ADCK1: variants seen among roughly 807,000 people sequenced by gnomAD.
The protein encoded by ADCK1 is aarF domain containing kinase 1, also known as aarF domain-containing protein kinase 1.
A neutral mutation model predicts 52.3 loss-of-function variants in ADCK1; 41 were observed. The observed-to-expected ratio is 0.78, with a 90% CI of 0.61 to 1.02. The LOEUF is 1.02. ADCK1 is among the 50% of genes least tolerant of loss of function. The pLI is 0.00. For missense variants in ADCK1, 658 were observed against 679.5 expected, an observed-to-expected ratio of 0.97 and a Z score of 0.35; for synonymous variants, 250 against 274.6, an observed-to-expected ratio of 0.91 and a Z score of 0.89.
At chr14:77,875,464 C>T (rs559368603) in intron 4 of ADCK1, among the ~76,000 whole-genome samples, 1 of 150,024 alleles carries the variant, frequency 6.7e-6, no homozygotes, top group South Asian at 2.2e-4. Flanking sequence ...GGCTGAACAG[C>T]CTACGGTCCC....
At chr14:77,878,822 C>T (rs1388230901) in intron 4 of ADCK1, among the ~76,000 whole-genome samples, 1 of 152,160 alleles carries the variant, frequency 6.6e-6, no homozygotes, top group Admixed American at 6.5e-5. Flanking sequence ...TTTATGATAG[C>T]CAACGGTGGA....
At chr14:77,884,873 A>T (rs2140201484) in intron 4 of ADCK1, among the ~76,000 whole-genome samples, 1 of 152,382 alleles carries the variant, frequency 6.6e-6, no homozygotes, top group East Asian at 1.9e-4. Context: ...CTGATTGGCC[A>T]GGCCAGGGCC....
At position 77,922,970 on chromosome 14, in the gene ADCK1, C is replaced by T. The variant is rs17106613; in HGVS notation, c.859-1487C>T. On this transcript the variant is annotated intron_variant, in intron 7 of 10. Transcript: ENST00000238561. ...AGAGAGATGAGGGTCTCACGTTGAACGCAGAGTCGTAGTCACGTGTTTGCC... is the reference window on the plus strand; with the variant it reads ...AGAGAGATGAGGGTCTCACGTTGAATGCAGAGTCGTAGTCACGTGTTTGCC... Among the ~76,000 whole-genome samples the T allele has an allele frequency of 4.3e-3, 662 of 152,252 alleles. 14 individuals carry two copies. In the South Asian group the frequency reaches 0.058, roughly 13 times the overall value.
At chr14:77,821,398 G>C (rs1436669496) in intron 2 of ADCK1, among the ~76,000 whole-genome samples, 1 of 152,174 alleles carries the variant, frequency 6.6e-6, no homozygotes, top group Non-Finnish European at 1.5e-5. Context: ...ATAAAGCTTT[G>C]TAGAGTGCAA....
chr14:77,933,486 G>A lies in ADCK1; in HGVS notation c.*95G>A. On this transcript the variant is annotated 3_prime_UTR_variant, in exon 11 of 11. Coordinates refer to ENST00000238561, the MANE Select transcript of ADCK1 (RefSeq NM_020421.4). ...GCTGCTCCATTTTTGCCACATCGTG[G>A]CCCGCAGCCCCAGAGTCACTGTCCA... 1 of 1,471,154 alleles carries A rather than the reference G, an allele frequency of 6.8e-7. No homozygotes were observed. The highest frequency in any genetic ancestry group is 9.4e-7 in the Non-Finnish European group (1 of 1,063,358). The allele number at this position is 1,471,154 out of a possible 1,614,324, so 91.1% of individuals were successfully genotyped here. A position where few individuals can be genotyped will look rare whatever the true frequency, so the allele number is the denominator to read the frequency against.
intron 3 of ADCK1, among the ~76,000 whole-genome samples, chr14:77,856,247 A>G (rs191988927): frequency 3.9e-5 from 6 of 152,322 alleles, no homozygotes; most frequent in South Asian, 2.1e-4. Flanking sequence ...AAAAACTTAT[A>G]TAGAAGAAAA....
chr14:77,888,154 G>A (rs1002642294), intron 5 of ADCK1, among the ~76,000 whole-genome samples: 8 of 152,098 alleles, frequency 5.3e-5, no homozygotes, highest in Admixed American at 6.5e-5. Flanking sequence ...GATGGATGGG[G>A]CACCAAGGGG....
chr14:77,848,476 A>G (rs2082216395), intron 3 of ADCK1, among the ~76,000 whole-genome samples: 1 of 151,922 alleles, frequency 6.6e-6, no homozygotes, highest in Non-Finnish European at 1.5e-5. Flanking sequence ...TTATTTATTT[A>G]TTTACTTAAG....
intron 5 of ADCK1, among the ~76,000 whole-genome samples, chr14:77,897,839 C>T (rs1265177275): frequency 1.3e-5 from 2 of 152,126 alleles, no homozygotes; most frequent in African/African-American, 4.8e-5. Context: ...CAGAACAGAT[C>T]GGGGAGCAGC....
intron 1 of ADCK1, among the ~76,000 whole-genome samples, chr14:77,803,607 T>G (rs1171374503): frequency 1.3e-5 from 2 of 152,204 alleles, no homozygotes. Context: ...TGTCATTGAT[T>G]TGACAATAAA....
chr14:77,879,303 G>A (rs113230162), intron 4 of ADCK1, among the ~76,000 whole-genome samples: 10 of 152,346 alleles, frequency 6.6e-5, no homozygotes, highest in African/African-American at 2.2e-4. Context: ...AAGAGAAGGG[G>A]GAGATTAAGC....
intron 4 of ADCK1, among the ~76,000 whole-genome samples, chr14:77,880,136 A>G (rs2082990202): frequency 1.3e-5 from 2 of 152,174 alleles, no homozygotes; most frequent in African/African-American, 4.8e-5. Context: ...ATCCTGGAGT[A>G]TGGGTGCCCC....
chr14:77,837,570 A>G lies in ADCK1; in HGVS notation c.219+15052A>G, dbSNP rs372365919. 4.6e-5 allele frequency among the ~76,000 whole-genome samples: 7 copies of G among 152,208 alleles called. No individual in the cohort carries two copies. The East Asian group carries it at 1.2e-3, about 25-fold the overall frequency. On this transcript the variant is annotated intron_variant, in intron 3 of 10. Coordinates refer to ENST00000238561, the MANE Select transcript of ADCK1 (RefSeq NM_020421.4). ...ATTCAACCCACTACAGGAACTTAGAATTAATGCCAAATGGTGCAGCTCCTC... is the reference window on the plus strand; with the variant it reads ...ATTCAACCCACTACAGGAACTTAGAGTTAATGCCAAATGGTGCAGCTCCTC...
chr14:77,909,196 C>T (rs55921647), intron 7 of ADCK1, among the ~76,000 whole-genome samples: 20,116 of 140,234 alleles, frequency 0.14, 1,512 homozygotes, highest in East Asian at 0.2. Flanking sequence ...AGTGCAATGG[C>T]GCAATCTTGG....
chr14:77,852,673 A>ATTTATATATATATATATAT (rs1440198588), intron 3 of ADCK1, among the ~76,000 whole-genome samples: 1 of 18,132 alleles, frequency 5.5e-5, no homozygotes, highest in East Asian at 2.1e-3. Flanking sequence ...ATATATATAT[A>ATTTATATATATATATATAT]TATATATATA....
At chr14:77,922,543 C>T (rs61992964) in intron 7 of ADCK1, among the ~76,000 whole-genome samples, 1 of 151,998 alleles carries the variant, frequency 6.6e-6, no homozygotes, top group Non-Finnish European at 1.5e-5. Flanking sequence ...TTCCCAGTGA[C>T]CCCTGAGAGT....
chr14:77,856,185 G>T (rs1228778725), intron 3 of ADCK1, among the ~76,000 whole-genome samples: 1 of 152,160 alleles, frequency 6.6e-6, no homozygotes, highest in African/African-American at 2.4e-5. Context: ...ACTCCAGCCT[G>T]GGCGACAGAG....
intron 4 of ADCK1, among the ~76,000 whole-genome samples, chr14:77,874,194 T>G (rs2082848303): frequency 6.6e-6 from 1 of 152,084 alleles, no homozygotes; most frequent in Non-Finnish European, 1.5e-5. Flanking sequence ...TTTGCTTGAG[T>G]TCTCTTGATT....
chr14:77,855,249 A>C (rs749373716), intron 3 of ADCK1, among the ~76,000 whole-genome samples: 1 of 152,256 alleles, frequency 6.6e-6, no homozygotes, highest in Non-Finnish European at 1.5e-5. Flanking sequence ...TGATTGAAAC[A>C]AATCCCAATC....
Sources: gnomAD v4.1 joint callset for allele counts (sites outside exome capture counted in the v4.1 genomes callset) on GRCh38, gnomAD v4.1.1 for gene constraint, MANE v1.5 for transcripts, NCBI Gene and HGNC (gene_info 2026-07-23, HGNC 2026-07-21) for gene names.